Variants in CCDC30 observed in about 807,000 individuals in gnomAD.
The protein encoded by CCDC30 is coiled-coil domain-containing protein 30.
In CCDC30, 70 loss-of-function variants were observed where a neutral mutation model predicts 100.2. The observed-to-expected ratio is 0.70, with a 90% CI of 0.58 to 0.85. The LOEUF is 0.85. Ranked by LOEUF, CCDC30 falls within the 40% of genes least tolerant of loss-of-function variation. CCDC30 has a pLI of 0.00. For missense variants in CCDC30, 652 were observed against 771.2 expected (o/e 0.85, Z 1.83); for synonymous variants, 233 against 269.5 (o/e 0.86, Z 1.33).
intron 1 of CCDC30, among the ~76,000 whole-genome samples, chr1:42,467,182 G>A (rs983758444): frequency 6.6e-6 from 1 of 152,150 alleles, no homozygotes; most frequent in Non-Finnish European, 1.5e-5. Context: ...AAGAATATCT[G>A]GTCCCAAGCT....
intron 6 of CCDC30, among the ~76,000 whole-genome samples, chr1:42,511,095 G>T (rs1384530863): frequency 2.6e-5 from 4 of 152,002 alleles, no homozygotes; most frequent in Non-Finnish European, 5.9e-5. Context: ...TGTGACCCAG[G>T]GTGGAGGGGA....
At chr1:42,509,571 T>C (rs1214055497) in intron 6 of CCDC30, among the ~76,000 whole-genome samples, 1 of 152,168 alleles carries the variant, frequency 6.6e-6, no homozygotes, top group Non-Finnish European at 1.5e-5. Context: ...TGGTTACAGG[T>C]CATGTTCCGA....
chr1:42,609,165 C>G (rs1024605786), intron 10 of CCDC30, among the ~76,000 whole-genome samples: 1 of 152,154 alleles, frequency 6.6e-6, no homozygotes, highest in African/African-American at 2.4e-5. Context: ...GATAACAAGA[C>G]CAATTTCTCC....
intron 3 of CCDC30, among the ~76,000 whole-genome samples, chr1:42,484,344 G>C (rs1299122481): frequency 6.6e-6 from 1 of 152,094 alleles, no homozygotes; most frequent in East Asian, 1.9e-4. Flanking sequence ...TATCTAAAAA[G>C]AAAATAAATT....
At chr1:42,551,742 G>GGTGTGTGTGTGTGTGTGT (rs34048456) in intron 6 of CCDC30, among the ~76,000 whole-genome samples, 11 of 144,496 alleles carry the variant, frequency 7.6e-5, no homozygotes, top group African/African-American at 1.8e-4. Context: ...GATAAATTCT[G>GGTGTGTGTGTGTGTGTGT]GTGTGTGTGT....
intron 6 of CCDC30, among the ~76,000 whole-genome samples, chr1:42,540,845 C>CTAA (rs1300544090): frequency 3.3e-5 from 5 of 152,148 alleles, no homozygotes; most frequent in Admixed American, 3.3e-4. Context: ...ATACCATTAT[C>CTAA]TAATCTATAG....
chr1:42,535,687 CCAT>C (rs1275174872), intron 6 of CCDC30, among the ~76,000 whole-genome samples: 2 of 2,312 alleles, frequency 8.7e-4, no homozygotes, highest in African/African-American at 4.1e-3. Flanking sequence ...TGGTGAAATC[CCAT>C]CACTACTATA....
chr1:42,589,583 G>A (rs1646144060), intron 10 of CCDC30, 100 bp downstream of exon 14: 1 of 1,038,932 alleles, frequency 9.6e-7, no homozygotes, highest in South Asian at 1.5e-5. Flanking sequence ...TAATCCTTTA[G>A]TCAGGGTTCA....
chr1:42,636,962 T>G (rs1278514038), intron 11 of CCDC30, among the ~76,000 whole-genome samples: 1 of 43,194 alleles, frequency 2.3e-5, no homozygotes, highest in African/African-American at 1.2e-4. Flanking sequence ...CAAGACTCCA[T>G]CTCAAAAAAA....
At chr1:42,646,439 A>G (rs1050179536) in intron 15 of CCDC30, 122 bp downstream of exon 19, 2 of 1,224,770 alleles carry the variant, frequency 1.6e-6, no homozygotes, top group Non-Finnish European at 2.1e-6. Flanking sequence ...GAGGTAGTCA[A>G]ACAGATTCCC....
intron 6 of CCDC30, among the ~76,000 whole-genome samples, chr1:42,566,039 G>A (rs1645598766): frequency 6.6e-6 from 1 of 151,786 alleles, no homozygotes. Flanking sequence ...TGAAAAATAA[G>A]GTAAGTTGTC....
intron 15 of CCDC30, among the ~76,000 whole-genome samples, chr1:42,650,497 A>ATATGTGTGTG (rs1181889086): frequency 0.012 from 1,603 of 136,230 alleles, 17 homozygotes; most frequent in African/African-American, 0.031. Context: ...AAAAATATAT[A>ATATGTGTGTG]TGTGTGTGTG....
intron 11 of CCDC30, among the ~76,000 whole-genome samples, chr1:42,621,022 T>G (rs1361725359): frequency 1.3e-5 from 2 of 152,162 alleles, no homozygotes; most frequent in Non-Finnish European, 2.9e-5. Flanking sequence ...TGAGGCAAAA[T>G]TAATGTAAGT....
upstream of CCDC30, among the ~76,000 whole-genome samples, chr1:42,463,139 G>A (rs891333137): frequency 1.3e-5 from 2 of 152,212 alleles, no homozygotes; most frequent in African/African-American, 2.4e-5. Flanking sequence ...ATACGGCCGG[G>A]ACAACTCCGC....
chr1:42,518,471 CTG>C (rs1644588173), intron 6 of CCDC30, among the ~76,000 whole-genome samples: 1 of 152,132 alleles, frequency 6.6e-6, no homozygotes, highest in Non-Finnish European at 1.5e-5. Flanking sequence ...GGTTATAATA[CTG>C]TGTTTTCATT....
At chr1:42,518,539 C>G (rs144734752) in intron 6 of CCDC30, among the ~76,000 whole-genome samples, 4 of 152,176 alleles carry the variant, frequency 2.6e-5, no homozygotes, top group East Asian at 3.9e-4. Context: ...GTTTAATTGC[C>G]TATAGTATTT....
intron 10 of CCDC30, among the ~76,000 whole-genome samples, chr1:42,610,276 A>C (rs1014690114): frequency 6.6e-6 from 1 of 152,274 alleles, no homozygotes; most frequent in African/African-American, 2.4e-5. Flanking sequence ...AAGCTAGCCA[A>C]GTCAGATAAC....
intron 11 of CCDC30, among the ~76,000 whole-genome samples, chr1:42,633,514 T>G (rs1647081924): frequency 6.6e-6 from 1 of 152,176 alleles, no homozygotes. Context: ...CAAAAGACAC[T>G]TATTACTCCA....
intron 12 of CCDC30, among the ~76,000 whole-genome samples, chr1:42,640,251 T>C (rs1570328596): frequency 6.6e-6 from 1 of 152,210 alleles, no homozygotes; most frequent in Non-Finnish European, 1.5e-5. Context: ...AATGAGTCAA[T>C]TGAGACTTCT....
Sources: gnomAD v4.1 joint callset for allele counts (sites outside exome capture counted in the v4.1 genomes callset) on GRCh38, gnomAD v4.1.1 for gene constraint, MANE v1.5 for transcripts, NCBI Gene and HGNC (gene_info 2026-07-23, HGNC 2026-07-21) for gene names.